Variants in SCFD2 observed in about 807,000 individuals in gnomAD.
The protein encoded by SCFD2 is sec1 family domain-containing protein 2.
Under a neutral mutation model 58.9 loss-of-function variants are expected in SCFD2, and 54 were observed. That is an observed-to-expected ratio of 0.92 (90% CI 0.74 to 1.15). SCFD2 has a LOEUF of 1.15. SCFD2 is among the 50% of genes most tolerant of loss of function. The probability of loss-of-function intolerance (pLI) is 0.00; values close to 1 mark genes in which losing one functional copy is unlikely to be tolerated. For synonymous variants in SCFD2, 321 were observed against 335.9 expected (o/e 0.96, Z 0.49); for missense variants, 805 against 836.6 (o/e 0.96, Z 0.47).
chr4:52,922,018 T>G lies in SCFD2; in HGVS notation c.1562-1148A>C, dbSNP rs571793359. ...AGCACCCACTGCCCACAACATCAAC[T>G]CACCCATTAATACCCCCATTAGTGG... On this transcript the variant is annotated intron_variant, in intron 5 of 8. Transcript: ENST00000401642. 2.0e-5 allele frequency among the ~76,000 whole-genome samples: 3 copies of G among 152,228 alleles called. No homozygotes were observed. In the East Asian group the frequency reaches 5.8e-4, roughly 29 times the overall value.
At chr4:53,117,038 A>C (rs2148889084) in intron 5 of SCFD2, among the ~76,000 whole-genome samples, 1 of 152,328 alleles carries the variant, frequency 6.6e-6, no homozygotes, top group South Asian at 2.1e-4. Flanking sequence ...TATCTAACAG[A>C]TCCTGAGAAA....
At chr4:53,354,014 G>C (rs748054154) in intron 1 of SCFD2, among the ~76,000 whole-genome samples, 1 of 152,268 alleles carries the variant, frequency 6.6e-6, no homozygotes, top group Non-Finnish European at 1.5e-5. Flanking sequence ...AGCCCAGCTA[G>C]CTTCGCCTAG....
chr4:53,125,143 G>A (rs1725589515), intron 5 of SCFD2, among the ~76,000 whole-genome samples: 1 of 152,198 alleles, frequency 6.6e-6, no homozygotes, highest in Admixed American at 6.5e-5. Flanking sequence ...GAAGGAATAA[G>A]AAAGGCAGTG....
chr4:53,297,084 T>C (rs1425679145), intron 3 of SCFD2, among the ~76,000 whole-genome samples: 1 of 152,156 alleles, frequency 6.6e-6, no homozygotes, highest in East Asian at 1.9e-4. Context: ...AGAATCAGTG[T>C]GGTGTGGTGC....
At chr4:53,331,589 T>G (rs1045032959) in intron 2 of SCFD2, among the ~76,000 whole-genome samples, 1 of 152,056 alleles carries the variant, frequency 6.6e-6, no homozygotes, top group Non-Finnish European at 1.5e-5. Context: ...TGGGACACAT[T>G]CAAAGCAGTG....
intron 8 of SCFD2, among the ~76,000 whole-genome samples, chr4:52,875,284 G>A (rs1480900121): frequency 6.6e-6 from 1 of 152,080 alleles, no homozygotes; most frequent in African/African-American, 2.4e-5. Context: ...TTTATTCCAG[G>A]ACAGATTTAT....
At chr4:53,132,265 T>C (rs1208095823) in intron 5 of SCFD2, among the ~76,000 whole-genome samples, 1 of 152,240 alleles carries the variant, frequency 6.6e-6, no homozygotes, top group Non-Finnish European at 1.5e-5. Context: ...TGGGTAACTA[T>C]TTTAATATGT....
intron 4 of SCFD2, among the ~76,000 whole-genome samples, chr4:53,245,866 G>T (rs1044406475): frequency 6.6e-6 from 1 of 152,110 alleles, no homozygotes; most frequent in Non-Finnish European, 1.5e-5. Flanking sequence ...TTAGGCAAGA[G>T]AAATAAATAA....
chr4:52,982,930 C>G (rs946814482), intron 5 of SCFD2, among the ~76,000 whole-genome samples: 9 of 152,128 alleles, frequency 5.9e-5, no homozygotes, highest in African/African-American at 2.2e-4. Context: ...TAAATATTTT[C>G]AGAAAATCCA....
chr4:53,118,416 G>T (rs1201169197), intron 5 of SCFD2, among the ~76,000 whole-genome samples: 1 of 152,102 alleles, frequency 6.6e-6, no homozygotes, highest in Non-Finnish European at 1.5e-5. Context: ...GGTTGTGGTG[G>T]TCAATAAAAT....
intron 5 of SCFD2, among the ~76,000 whole-genome samples, chr4:52,998,133 G>A (rs1405529112): frequency 2.6e-5 from 4 of 152,132 alleles, no homozygotes; most frequent in Admixed American, 1.3e-4. Context: ...TGGTGAAACT[G>A]AGATGAGTGC....
At chr4:53,195,884 C>G (rs1419594145) in intron 4 of SCFD2, among the ~76,000 whole-genome samples, 1 of 152,154 alleles carries the variant, frequency 6.6e-6, no homozygotes. Flanking sequence ...TAGCTCAAGA[C>G]TTAACATCAC....
chr4:53,331,441 T>C (rs948031764), intron 2 of SCFD2, among the ~76,000 whole-genome samples: 5 of 152,032 alleles, frequency 3.3e-5, no homozygotes, highest in African/African-American at 9.7e-5. Context: ...GATTAAGAAT[T>C]TCACTCAAAA....
At chr4:52,993,264 C>T (rs914383703) in intron 5 of SCFD2, among the ~76,000 whole-genome samples, 5 of 151,736 alleles carry the variant, frequency 3.3e-5, no homozygotes, top group South Asian at 2.1e-4. Context: ...TGCGGAAGGC[C>T]GCAGGGTCCT....
intron 6 of SCFD2, among the ~76,000 whole-genome samples, chr4:52,911,882 G>A (rs961779149): frequency 6.6e-6 from 1 of 152,168 alleles, no homozygotes; most frequent in African/African-American, 2.4e-5. Flanking sequence ...GCCGATAGGG[G>A]GCACTCGAGG....
At chr4:52,974,533 T>G (rs1301137158) in intron 5 of SCFD2, among the ~76,000 whole-genome samples, 1 of 152,052 alleles carries the variant, frequency 6.6e-6, no homozygotes, top group Admixed American at 6.6e-5. Context: ...TACAAACAAA[T>G]GGAAGAACAG....
chr4:53,324,641 G>A (rs1175672464), intron 2 of SCFD2, among the ~76,000 whole-genome samples: 3 of 152,094 alleles, frequency 2.0e-5, no homozygotes, highest in Admixed American at 6.6e-5. Flanking sequence ...AATGGCCAAG[G>A]CAGGGTAAGC....
chr4:52,888,330 C>A (rs891693118), intron 7 of SCFD2, among the ~76,000 whole-genome samples: 3 of 152,142 alleles, frequency 2.0e-5, no homozygotes, highest in African/African-American at 7.2e-5. Flanking sequence ...GGGGGACTAT[C>A]TAATGACCTC....
chr4:53,109,279 T>C (rs1413256723), intron 5 of SCFD2, among the ~76,000 whole-genome samples: 3 of 152,146 alleles, frequency 2.0e-5, no homozygotes. Context: ...GGGCAAAAAC[T>C]GGAAGCATTC....
Sources: gnomAD v4.1 joint callset for allele counts (sites outside exome capture counted in the v4.1 genomes callset) on GRCh38, gnomAD v4.1.1 for gene constraint, MANE v1.5 for transcripts, NCBI Gene and HGNC (gene_info 2026-07-23, HGNC 2026-07-21) for gene names.